The following DDC variants were observed in gnomAD, a reference collection of about 807,000 sequenced individuals.
DDC encodes the protein aromatic-L-amino-acid decarboxylase.
A neutral mutation model predicts 60.0 loss-of-function variants in DDC; 43 were observed. The observed-to-expected ratio is 0.72, with a 90% CI of 0.56 to 0.92. The LOEUF (loss-of-function observed/expected upper bound fraction) is 0.92. DDC is among the 40% of genes least tolerant of loss of function. The probability of loss-of-function intolerance (pLI) is 0.00; values close to 1 mark genes in which losing one functional copy is unlikely to be tolerated. For missense variants in DDC, 573 were observed against 620.2 expected (o/e 0.92, Z 0.81); for synonymous variants, 232 against 234.6 (o/e 0.99, Z 0.10).
At chr7:50,477,854 C>G (rs1026488858) in intron 10 of DDC, among the ~76,000 whole-genome samples, 3 of 152,074 alleles carry the variant, frequency 2.0e-5, no homozygotes, top group East Asian at 1.9e-4. Flanking sequence ...TCACAGAAAC[C>G]ACTGCAAATG....
rs13225182 is a variant in DDC, at chr7:50,502,606, G to A, written c.781+1387C>T. Among the ~76,000 whole-genome samples, 875 of 152,286 alleles carry A rather than the reference G, an allele frequency of 5.7e-3. 4 individuals are homozygous for A. The highest frequency in any genetic ancestry group is 9.2e-3 in the Non-Finnish European group (624 of 68,022). ...CAGTTCTATCCCTTCTCCCCAGCCCGGGGCTGTGCACGACCACTTCCCGCC... is the reference window on the plus strand; with the variant it reads ...CAGTTCTATCCCTTCTCCCCAGCCCAGGGCTGTGCACGACCACTTCCCGCC... On this transcript the variant is annotated intron_variant, in intron 7 of 14. Coordinates refer to ENST00000444124, the MANE Select transcript of DDC (RefSeq NM_001082971.2).
chr7:50,466,414 GGCAGAGGTTGCAGT>G (rs1324802263), intron 13 of DDC, among the ~76,000 whole-genome samples: 22 of 151,122 alleles, frequency 1.5e-4, no homozygotes, highest in African/African-American at 5.1e-4. Flanking sequence ...GAACCCGGGA[GGCAGAGGTTGCAGT>G]GAGCCGAGAT....
intron 10 of DDC, chr7:50,477,669 G>A (rs1225079972): frequency 2.7e-6 from 1 of 374,596 alleles, no homozygotes; most frequent in Non-Finnish European, 5.3e-6. Context: ...GGCAGTGCTG[G>A]GAGGAGATGC....
chr7:50,482,447 G>A (rs1585161527), intron 9 of DDC, among the ~76,000 whole-genome samples: 1 of 152,286 alleles, frequency 6.6e-6, no homozygotes, highest in East Asian at 1.9e-4. Context: ...AATATGTGGA[G>A]TCTGTTTCTG....
chr7:50,482,429 C>G (rs960644819), intron 9 of DDC, among the ~76,000 whole-genome samples: 1 of 152,152 alleles, frequency 6.6e-6, no homozygotes, highest in Non-Finnish European at 1.5e-5. Context: ...ATTAGAAGCC[C>G]TAATTGGAAT....
At chr7:50,540,533 T>G (rs149235636) in intron 2 of DDC, among the ~76,000 whole-genome samples, 2 of 151,590 alleles carry the variant, frequency 1.3e-5, no homozygotes, top group Non-Finnish European at 2.9e-5. Flanking sequence ...CGAGGTTTCT[T>G]CAGTCAAGCC....
At chr7:50,479,226 C>T (rs1036817985) in intron 10 of DDC, among the ~76,000 whole-genome samples, 3 of 152,192 alleles carry the variant, frequency 2.0e-5, no homozygotes, top group Non-Finnish European at 2.9e-5. Context: ...CCCTGCTAGA[C>T]GTTGCAGGTG....
chr7:50,510,866 A>G (rs1176716183), intron 6 of DDC, among the ~76,000 whole-genome samples: 1 of 150,876 alleles, frequency 6.6e-6, no homozygotes, highest in East Asian at 2.0e-4. Context: ...CTGTAGTCCC[A>G]GCTACTCAGG....
chr7:50,462,431 T>G (rs2042298712), intron 14 of DDC, among the ~76,000 whole-genome samples: 1 of 152,162 alleles, frequency 6.6e-6, no homozygotes, highest in Non-Finnish European at 1.5e-5. Flanking sequence ...GCATGCTGTC[T>G]CCAGGGTTTA....
intron 9 of DDC, among the ~76,000 whole-genome samples, chr7:50,491,603 G>A (rs926175291): frequency 2.0e-5 from 3 of 152,150 alleles, no homozygotes; most frequent in East Asian, 1.9e-4. Flanking sequence ...TAAGCTGGAT[G>A]CTTTCATGCA....
intron 13 of DDC, 94 bp from the exon 14 acceptor site, chr7:50,463,525 C>T (rs748142108): frequency 4.2e-5 from 45 of 1,068,214 alleles, no homozygotes; most frequent in Admixed American, 5.4e-5. Context: ...GCAACCCTAC[C>T]GTACATCAGG....
Position 50,565,370 on chromosome 7 carries a change from GCTGAGGCACTCGGCA to G in DDC, c.-129_-115del, listed in dbSNP as rs1195109295. The G allele has an allele frequency of 6.6e-6, 1 of 152,250 alleles. No individual in the cohort carries two copies. The highest frequency in any genetic ancestry group is 2.4e-5 in the African/African-American group (1 of 41,470). The allele number at this position is 152,250 out of a possible 1,614,324, so 9.4% of individuals were successfully genotyped here. On this transcript the variant is annotated 5_prime_UTR_variant, in exon 1 of 15. Transcript: ENST00000444124. ...GGACTGAAGAGCATGTGGAGAAGCTGCTGAGGCACTCGGCACTGAGACAGTCACTCTTCTTGAAAC... is the reference window on the plus strand; with the variant it reads ...GGACTGAAGAGCATGTGGAGAAGCTGCTGAGACAGTCACTCTTCTTGAAAC...
chr7:50,561,947 CA>C (rs1183543667), intron 1 of DDC, among the ~76,000 whole-genome samples: 1 of 152,098 alleles, frequency 6.6e-6, no homozygotes, highest in African/African-American at 2.4e-5. Context: ...CGTACAATAG[CA>C]CATGCATATA....
intron 6 of DDC, among the ~76,000 whole-genome samples, chr7:50,514,217 A>G (rs2043664814): frequency 1.3e-5 from 2 of 152,208 alleles, no homozygotes; most frequent in South Asian, 4.1e-4. Context: ...GGCCAGACCC[A>G]GAAAAGAGAC....
intron 4 of DDC, among the ~76,000 whole-genome samples, chr7:50,531,013 T>C (rs2044187536): frequency 6.6e-6 from 1 of 152,190 alleles, no homozygotes; most frequent in Non-Finnish European, 1.5e-5. Context: ...GATAAATACA[T>C]TTATTCATGT....
chr7:50,549,633 G>A (rs1331597169), intron 1 of DDC, among the ~76,000 whole-genome samples: 7 of 151,262 alleles, frequency 4.6e-5, no homozygotes, highest in Admixed American at 4.6e-4. Context: ...CTCCAGCCTG[G>A]GCGACAGAGC....
chr7:50,482,663 T>G (rs1213969189), intron 9 of DDC, among the ~76,000 whole-genome samples: 2 of 152,198 alleles, frequency 1.3e-5, no homozygotes, highest in African/African-American at 4.8e-5. Flanking sequence ...TAATATCGAG[T>G]CTTCTTTATG....
At position 50,499,808 on chromosome 7, in the gene DDC, G is replaced by A. The variant is rs2043208695; in HGVS notation, c.782-566C>T. Among the ~76,000 whole-genome samples, 3 of 152,146 alleles carry A rather than the reference G, an allele frequency of 2.0e-5. No individual in the cohort carries two copies. The East Asian group carries it at 5.8e-4, about 29-fold the overall frequency. ...CCATGCATAGCAGCCTTGTGGGCAGGGGCTGCCTCATTCAGGAGCTGGGAG... is the reference window on the plus strand; with the variant it reads ...CCATGCATAGCAGCCTTGTGGGCAGAGGCTGCCTCATTCAGGAGCTGGGAG... On this transcript the variant is annotated intron_variant, in intron 7 of 14. Transcript: ENST00000444124.
chr7:50,500,502 C>T (rs1229782409), intron 7 of DDC, among the ~76,000 whole-genome samples: 10 of 152,214 alleles, frequency 6.6e-5, no homozygotes, highest in East Asian at 1.9e-4. Context: ...ATCTGAGCTA[C>T]AGGCATGGAC....
Sources: gnomAD v4.1 joint callset for allele counts (sites outside exome capture counted in the v4.1 genomes callset) on GRCh38, gnomAD v4.1.1 for gene constraint, MANE v1.5 for transcripts, NCBI Gene and HGNC (gene_info 2026-07-23, HGNC 2026-07-21) for gene names.